The following ABCC1 variants were observed in gnomAD, a reference collection of about 807,000 sequenced individuals.
The protein encoded by ABCC1 is multidrug resistance-associated protein 1.
Under a neutral mutation model 172.9 loss-of-function variants are expected in ABCC1, and 83 were observed. The observed-to-expected ratio is 0.48, with a 90% CI of 0.40 to 0.58. The LOEUF is 0.58. ABCC1 is among the 20% of genes least tolerant of loss of function. The probability of loss-of-function intolerance (pLI) is 0.00; values close to 1 mark genes in which losing one functional copy is unlikely to be tolerated. For synonymous variants in ABCC1, 937 were observed against 825.2 expected (o/e 1.14, Z -2.32); for missense variants, 1,817 against 2,002.7 (o/e 0.91, Z 1.77).
chr16:16,018,803 T>TTGAATG (rs56287964), intron 5 of ABCC1, among the ~76,000 whole-genome samples: 93 of 151,252 alleles, frequency 6.1e-4, no homozygotes, highest in Middle Eastern at 3.4e-3. Flanking sequence ...ATGTGTGTGT[T>TTGAATG]TGTGTGTGTG....
chr16:15,975,559 GT>G (rs10706261), intron 1 of ABCC1, among the ~76,000 whole-genome samples: 91,121 of 149,556 alleles, frequency 0.61, 29,088 homozygotes, highest in South Asian at 0.71. Flanking sequence ...TGTTTTTTTT[GT>G]TTTTTTTTGT....
chr16:16,028,739 G>C (rs1357721769), intron 5 of ABCC1, among the ~76,000 whole-genome samples: 1 of 152,112 alleles, frequency 6.6e-6, no homozygotes, highest in Non-Finnish European at 1.5e-5. Context: ...TGGCAGTCCC[G>C]GGGGATAGGT....
intron 1 of ABCC1, among the ~76,000 whole-genome samples, chr16:15,972,787 C>CTTTTTTT (rs35086205): frequency 2.2e-5 from 2 of 89,336 alleles, no homozygotes; most frequent in Non-Finnish European, 4.1e-5. Context: ...TATTTTTTAA[C>CTTTTTTT]TTTTTTTTTT....
chr16:16,033,278 C>T (rs2048622313), intron 6 of ABCC1, 108 bp downstream of exon 6: 11 of 1,121,172 alleles, frequency 9.8e-6, no homozygotes, highest in African/African-American at 1.5e-5. Flanking sequence ...CCCTCCTTTG[C>T]TCTTCTGCAG....
At chr16:15,976,757 A>G (rs2046502099) in intron 1 of ABCC1, among the ~76,000 whole-genome samples, 5 of 152,212 alleles carry the variant, frequency 3.3e-5, no homozygotes, top group Admixed American at 3.3e-4. Flanking sequence ...CAGCAAACTC[A>G]ACCCCTAACG....
At position 16,131,856 on chromosome 16, in the gene ABCC1, G is replaced by A. The variant is rs201761081; in HGVS notation, c.3887G>A (p.Arg1296Gln). ...SWPQVGRVEF[R>Q]NYCLRYREDL... ...CCCCAGGTGGGCCGAGTGGAATTCCGGAACTACTGCCTGCGCTACCGAGAG... is the reference window on the plus strand; with the variant it reads ...CCCCAGGTGGGCCGAGTGGAATTCCAGAACTACTGCCTGCGCTACCGAGAG... The change falls in exon 27 of 31, where the codon CGG (arginine) becomes CAG (glutamine). Residue 1296 changes from arginine to glutamine, a missense_variant. Transcript: ENST00000399410. 274 of 1,614,142 alleles carry A rather than the reference G, an allele frequency of 1.7e-4. 2 individuals carry two copies. The Middle Eastern group carries it at 3.1e-3, about 18-fold the overall frequency.
At chr16:16,112,652 T>C (rs2044669101) in intron 22 of ABCC1, among the ~76,000 whole-genome samples, 1 of 152,168 alleles carries the variant, frequency 6.6e-6, no homozygotes, top group Admixed American at 6.5e-5. Flanking sequence ...AGCATTGGCA[T>C]TGAACAAGGC....
chr16:16,076,305 A>T, intron 14 of ABCC1, 21 bp from the exon 15 acceptor site: 1 of 1,612,172 alleles, frequency 6.2e-7, no homozygotes, highest in East Asian at 2.2e-5. Context: ...CCTGTCCCTG[A>T]CATGTCTCTG....
chr16:16,043,766 T>A (rs1364725890), intron 7 of ABCC1, among the ~76,000 whole-genome samples: 1 of 152,084 alleles, frequency 6.6e-6, no homozygotes, highest in Non-Finnish European at 1.5e-5. Context: ...CATGCCCGGC[T>A]AATTTTTGTA....
At chr16:16,048,430 T>C in intron 10 of ABCC1, 127 bp downstream of exon 10, 1 of 1,147,814 alleles carries the variant, frequency 8.7e-7, no homozygotes, top group Non-Finnish European at 1.2e-6. Context: ...CTGTGGTTCA[T>C]ATTTTATTTT....
intron 1 of ABCC1, among the ~76,000 whole-genome samples, chr16:15,959,722 T>C (rs1221944156): frequency 4.6e-5 from 7 of 152,240 alleles, no homozygotes; most frequent in Non-Finnish European, 1.0e-4. Context: ...AGATTCCACT[T>C]AAGTGTCCCC....
intron 29 of ABCC1, 43 bp from the exon 30 acceptor site, chr16:16,138,321 G>C: frequency 6.5e-7 from 1 of 1,541,874 alleles, no homozygotes; most frequent in Non-Finnish European, 8.8e-7. Context: ...GTCAGGGGTG[G>C]TTTGACCCAA....
At chr16:15,994,202 A>G (rs138677124) in intron 1 of ABCC1, among the ~76,000 whole-genome samples, 15 of 152,308 alleles carry the variant, frequency 9.8e-5, no homozygotes, top group African/African-American at 3.4e-4. Flanking sequence ...CCTGGGCAAC[A>G]GAGTGAGACC....
chr16:16,069,342 C>G (rs924295365), intron 13 of ABCC1, among the ~76,000 whole-genome samples: 1 of 151,854 alleles, frequency 6.6e-6, no homozygotes, highest in African/African-American at 2.4e-5. Context: ...CCACTACACT[C>G]CAGCCTGGGT....
At chr16:16,074,012 G>T (rs952890898) in intron 14 of ABCC1, among the ~76,000 whole-genome samples, 1 of 152,194 alleles carries the variant, frequency 6.6e-6, no homozygotes, top group Non-Finnish European at 1.5e-5. Context: ...ATGATAAACA[G>T]ATCCTGGGAG....
rs2049911899 is a variant in ABCC1, at chr16:16,061,523, A to G, written c.1677+5228A>G. ...GCGAAGTGTCCCCTTGGGGGACAGA[A>G]TTCTCCCAGTTGAGAACCACAGTCA... On this transcript the variant is annotated intron_variant, in intron 12 of 30. Transcript: ENST00000399410. Among the ~76,000 whole-genome samples the G allele has an allele frequency of 2.0e-5, 3 of 152,182 alleles. No homozygotes were observed. In the South Asian group the frequency reaches 6.2e-4, roughly 31 times the overall value.
chr16:15,982,826 G>GAAAAAAAAAAAAAAAAAAAAAAAA (rs1272269895), intron 1 of ABCC1, among the ~76,000 whole-genome samples: 2 of 43,628 alleles, frequency 4.6e-5, no homozygotes, highest in Non-Finnish European at 5.3e-5. Flanking sequence ...AAAAAAAAAG[G>GAAAAAAAAAAAAAAAAAAAAAAAA]AAATCCATTC....
intron 19 of ABCC1, chr16:16,098,898 A>G: frequency 1.5e-6 from 2 of 1,352,086 alleles, no homozygotes; most frequent in Non-Finnish European, 9.8e-7. Context: ...ACGAGGAGGA[A>G]GCAGGTCAGT....
chr16:16,060,323 G>C (rs1237195782), intron 12 of ABCC1, among the ~76,000 whole-genome samples: 1 of 152,140 alleles, frequency 6.6e-6, no homozygotes, highest in African/African-American at 2.4e-5. Context: ...CTTTCCCACT[G>C]AGTTATGTTC....
Sources: allele counts gnomAD v4.1 joint callset (sites outside exome capture counted in the v4.1 genomes callset), GRCh38; gene constraint gnomAD v4.1.1; transcripts MANE v1.5; gene names NCBI Gene and HGNC (gene_info 2026-07-23, HGNC 2026-07-21).